Variants in PTER observed in about 807,000 individuals in gnomAD.
PTER encodes phosphotriesterase related, also known as N-acetyltaurine hydrolase.
Under a neutral mutation model 29.6 loss-of-function variants are expected in PTER, and 38 were observed. The observed-to-expected ratio is 1.28, with a 90% CI of 0.99 to 1.68. The LOEUF is 1.68. Among genes scored for constraint, PTER ranks in the 40% most tolerant of loss-of-function variants. The pLI is 0.00. For synonymous variants in PTER, 172 were observed against 154.5 expected, an observed-to-expected ratio of 1.11 and a Z score of -0.84; for missense variants, 482 against 427.8, an observed-to-expected ratio of 1.13 and a Z score of -1.12.
At chr10:16,491,971 C>A (rs561100430) in intron 3 of PTER, among the ~76,000 whole-genome samples, 10 of 152,080 alleles carry the variant, frequency 6.6e-5, no homozygotes, top group Admixed American at 5.2e-4. Context: ...CTCATTGTGA[C>A]AACAACAACA....
At position 16,442,755 on chromosome 10, in the gene PTER, G is replaced by A. The variant is rs183136322; in HGVS notation, c.-49+5708G>A. On this transcript the variant is annotated intron_variant, in intron 1 of 4. Transcript: ENST00000535784. ...AGCACTTTGGGAGACCAAGGCAGGC[G>A]GACCACTTGAGGTCAAGAGTTCGAT... 1.0e-3 allele frequency among the ~76,000 whole-genome samples: 157 copies of A among 152,240 alleles called. 2 individuals are homozygous for A. The highest frequency in any genetic ancestry group is 3.6e-3 in the African/African-American group (148 of 41,542).
At chr10:16,516,578 A>G (rs1290702216), downstream of PTER, among the ~76,000 whole-genome samples, 1 of 152,170 alleles carries the variant, frequency 6.6e-6, no homozygotes, top group Non-Finnish European at 1.5e-5. Flanking sequence ...TGCTTTGGGT[A>G]TTTAGGACAT....
At chr10:16,473,970 C>A (rs1184911106) in intron 1 of PTER, among the ~76,000 whole-genome samples, 1 of 152,202 alleles carries the variant, frequency 6.6e-6, no homozygotes, top group Non-Finnish European at 1.5e-5. Flanking sequence ...GTAATCCCAG[C>A]ACTTTGGGAG....
chr10:16,482,378 T>C (rs1418914446), intron 1 of PTER, among the ~76,000 whole-genome samples: 3 of 152,160 alleles, frequency 2.0e-5, no homozygotes, highest in African/African-American at 4.8e-5. Flanking sequence ...CCACTTTCTC[T>C]GAAAAGAAAT....
intron 3 of PTER, among the ~76,000 whole-genome samples, chr10:16,504,762 C>T (rs1243182350): frequency 6.6e-6 from 1 of 152,182 alleles, no homozygotes; most frequent in Admixed American, 6.5e-5. Flanking sequence ...ATAATGGAAG[C>T]ATCATTAAAC....
In PTER at chr10:16,477,302, G is replaced by GATA. The variant is rs1187346995; in HGVS notation, c.-48-7035_-48-7034insATA. Among the ~76,000 whole-genome samples the GATA allele has an allele frequency of 1.1e-3, 90 of 80,550 alleles. 1 individual carries two copies. The highest frequency in any genetic ancestry group is 4.8e-4 in the South Asian group (1 of 2,062). 52.8% of individuals were successfully genotyped at this position (80,550 alleles called of 152,430 possible). ...TAGATAGATAGATAGATAGATAGAT[G>GATA]GATGTCTGTCTGTCTGCACATGCAT... On this transcript the variant is annotated intron_variant, in intron 1 of 4. Coordinates refer to ENST00000535784, the MANE Select transcript of PTER (RefSeq NM_001261836.2).
At chr10:16,482,933 C>T (rs1835534604) in intron 1 of PTER, among the ~76,000 whole-genome samples, 1 of 152,076 alleles carries the variant, frequency 6.6e-6, no homozygotes, top group Non-Finnish European at 1.5e-5. Context: ...AGGCACGCTC[C>T]ACCACACTTG....
chr10:16,488,216 A>G (rs1835773840), intron 3 of PTER, among the ~76,000 whole-genome samples: 1 of 152,220 alleles, frequency 6.6e-6, no homozygotes, highest in South Asian at 2.1e-4. Flanking sequence ...TATACTGGTC[A>G]CAGAGACAAT....
chr10:16,487,720 C>T (rs1456382417), intron 3 of PTER, among the ~76,000 whole-genome samples: 2 of 152,180 alleles, frequency 1.3e-5, no homozygotes, highest in African/African-American at 4.8e-5. Flanking sequence ...TAAGGCTACT[C>T]ATTAGCCTTC....
chr10:16,511,412 G>C lies in PTER; in HGVS notation c.*156G>C. On this transcript the variant is annotated 3_prime_UTR_variant, in exon 5 of 5. Transcript: ENST00000535784. ...GGAGGGTTTGCCTTCTCTGAGACCA[G>C]CTATTACAACTGTGCCTCTAGGGAG... is the stretch of plus-strand genomic sequence containing the variant. 1 of 678,294 alleles carries C rather than the reference G, an allele frequency of 1.5e-6. No individual in the cohort carries two copies. Among genetic ancestry groups the C allele is most frequent in the East Asian group, 2.7e-5 (1 of 36,870 alleles). 42.0% of individuals were successfully genotyped at this position (678,294 alleles called of 1,614,324 possible). A position where few individuals can be genotyped will look rare whatever the true frequency, so the allele number is the denominator to read the frequency against.
downstream of PTER, among the ~76,000 whole-genome samples, chr10:16,517,108 T>G (rs1043638396): frequency 2.0e-5 from 3 of 152,210 alleles, no homozygotes; most frequent in African/African-American, 7.2e-5. Flanking sequence ...GGAGGCTGTT[T>G]CCAGATTCCT....
chr10:16,492,986 C>T (rs188403741), intron 3 of PTER, among the ~76,000 whole-genome samples: 103 of 152,266 alleles, frequency 6.8e-4, no homozygotes, highest in Admixed American at 1.2e-3. Context: ...TTTTCATGCT[C>T]TTAATTAGAT....
chr10:16,463,330 T>G (rs1419725661), intron 1 of PTER, among the ~76,000 whole-genome samples: 1 of 152,038 alleles, frequency 6.6e-6, no homozygotes, highest in Non-Finnish European at 1.5e-5. Context: ...ATTATCATGA[T>G]AAATGTTAAT....
intron 1 of PTER, among the ~76,000 whole-genome samples, chr10:16,453,041 C>T (rs565181083): frequency 1.3e-5 from 2 of 152,216 alleles, no homozygotes; most frequent in East Asian, 1.9e-4. Context: ...TGAGCCACTG[C>T]GTCCAGCCAT....
At chr10:16,472,531 C>T (rs899420391) in intron 1 of PTER, among the ~76,000 whole-genome samples, 5 of 152,176 alleles carry the variant, frequency 3.3e-5, no homozygotes, top group Non-Finnish European at 5.9e-5. Context: ...CTTTGTTCCT[C>T]ATTTGCCGTC....
intron 1 of PTER, among the ~76,000 whole-genome samples, chr10:16,482,308 G>T (rs188610897): frequency 1.3e-3 from 200 of 152,252 alleles, no homozygotes; most frequent in African/African-American, 4.6e-3. Context: ...TCTTACGTGT[G>T]TACTATACCC....
intron 3 of PTER, among the ~76,000 whole-genome samples, chr10:16,503,964 C>T (rs769547409): frequency 5.9e-5 from 9 of 152,350 alleles, no homozygotes; most frequent in South Asian, 2.1e-4. Context: ...CGATCCGAAA[C>T]GATCCCTTAC....
rs74127525 is a variant in PTER at position 16,464,756 on chromosome 10, C to A, written c.-48-19581C>A. On this transcript the variant is annotated intron_variant, in intron 1 of 4. Transcript: ENST00000535784. ...TCCTCCAGTATCAGTGAATGTTGTCCACACCGATCTCACAGGGCACTTGCT... is the reference window on the plus strand; with the variant it reads ...TCCTCCAGTATCAGTGAATGTTGTCAACACCGATCTCACAGGGCACTTGCT... 3.0e-3 allele frequency among the ~76,000 whole-genome samples: 452 copies of A among 152,316 alleles called. 4 individuals are homozygous for A. Among genetic ancestry groups the A allele is most frequent in the African/African-American group, 9.3e-3 (386 of 41,590 alleles).
At chr10:16,490,313 A>AAGCATTAAG (rs1480299126) in intron 3 of PTER, among the ~76,000 whole-genome samples, 16 of 152,114 alleles carry the variant, frequency 1.1e-4, no homozygotes, top group Admixed American at 9.2e-4. Flanking sequence ...AAAGTCCAAA[A>AAGCATTAAG]AGCATTAAGG....
Sources: gnomAD v4.1 joint callset for allele counts (sites outside exome capture counted in the v4.1 genomes callset) on GRCh38, gnomAD v4.1.1 for gene constraint, MANE v1.5 for transcripts, NCBI Gene and HGNC (gene_info 2026-07-23, HGNC 2026-07-21) for gene names.